The following DNAH6 variants were observed in gnomAD, a reference collection of about 807,000 sequenced individuals.
DNAH6 encodes the protein axonemal beta dynein heavy chain 6.
Under a neutral mutation model 491.4 loss-of-function variants are expected in DNAH6, and 340 were observed. The ratio of observed to expected loss-of-function variants is 0.69; its 90% CI spans 0.63 to 0.76. The LOEUF (loss-of-function observed/expected upper bound fraction) is 0.76. DNAH6 is among the 30% of genes least tolerant of loss of function. The probability of loss-of-function intolerance (pLI) is 0.00; values close to 1 mark genes in which losing one functional copy is unlikely to be tolerated. For synonymous variants in DNAH6, 1,603 were observed against 1,686.1 expected, an observed-to-expected ratio of 0.95 and a Z score of 1.21; for missense variants, 4,443 against 4,972.2, an observed-to-expected ratio of 0.89 and a Z score of 3.20.
At chr2:84,785,097 G>A (rs1677054572) in intron 66 of DNAH6, among the ~76,000 whole-genome samples, 1 of 152,180 alleles carries the variant, frequency 6.6e-6, no homozygotes, top group Non-Finnish European at 1.5e-5. Flanking sequence ...CTAGTGTTAA[G>A]GGAATGTTTC....
chr2:84,779,317 GT>G (rs1553496205), intron 64 of DNAH6, among the ~76,000 whole-genome samples: 1 of 152,112 alleles, frequency 6.6e-6, no homozygotes, highest in Non-Finnish European at 1.5e-5. Context: ...ATGAATCTGG[GT>G]ATTCCAATGT....
chr2:84,592,640 A>G (rs2104144819), intron 16 of DNAH6, among the ~76,000 whole-genome samples: 1 of 152,326 alleles, frequency 6.6e-6, no homozygotes, highest in Admixed American at 6.5e-5. Flanking sequence ...TCCCGTGTTC[A>G]TTGCAGCATT....
chr2:84,792,303 A>G (rs1231000079), intron 68 of DNAH6, among the ~76,000 whole-genome samples: 1 of 152,228 alleles, frequency 6.6e-6, no homozygotes, highest in Admixed American at 6.5e-5. Flanking sequence ...TCTGTTGTAC[A>G]ATATAGCACT....
At chr2:84,740,452 G>T (rs1672413183) in intron 62 of DNAH6, among the ~76,000 whole-genome samples, 1 of 152,176 alleles carries the variant, frequency 6.6e-6, no homozygotes, top group Admixed American at 6.5e-5. Context: ...CCATGACAGG[G>T]CACTGAGAAG....
intron 29 of DNAH6, 78 bp from the exon 30 acceptor site, chr2:84,634,426 A>G (rs1334480862): frequency 1.0e-5 from 14 of 1,334,688 alleles, no homozygotes; most frequent in Non-Finnish European, 1.2e-5. Context: ...TTTTTCTTTA[A>G]TATTTCAGCT....
intron 49 of DNAH6, 112 bp from the exon 50 acceptor site, chr2:84,703,282 GA>G: frequency 1.3e-6 from 1 of 769,724 alleles, no homozygotes. Flanking sequence ...ATTACAAACT[GA>G]TTTAACAATT....
intron 37 of DNAH6, among the ~76,000 whole-genome samples, chr2:84,659,975 G>C (rs939869031): frequency 3.9e-5 from 6 of 152,126 alleles, no homozygotes; most frequent in African/African-American, 1.4e-4. Flanking sequence ...GAGCAAGACT[G>C]TGTCTTTAAA....
intron 13 of DNAH6, among the ~76,000 whole-genome samples, chr2:84,577,939 A>G (rs1682631872): frequency 6.6e-6 from 1 of 152,216 alleles, no homozygotes; most frequent in Admixed American, 6.5e-5. Context: ...AGGAATTGGA[A>G]AACTATAGCC....
intron 10 of DNAH6, among the ~76,000 whole-genome samples, chr2:84,556,739 T>C (rs888747968): frequency 2.0e-5 from 3 of 152,230 alleles, no homozygotes; most frequent in South Asian, 2.1e-4. Flanking sequence ...TAACTTACCA[T>C]GAGGTTATGT....
At position 84,636,353 on chromosome 2, in the gene DNAH6, C is replaced by T. The variant is rs1688877677; in HGVS notation, c.4654-857C>T. Among the ~76,000 whole-genome samples the T allele has an allele frequency of 2.0e-5, 3 of 152,318 alleles. No homozygotes were observed. In the South Asian group the frequency reaches 6.2e-4, roughly 32 times the overall value. On this transcript the variant is annotated intron_variant, in intron 30 of 76. Transcript: ENST00000389394. ...TGGAATGGCTGCCCCTGTTCCTCCA[C>T]CTGAAACATCCTTCTTCCTTCTTCA...
At chr2:84,806,471 T>C (rs1352288948) in intron 71 of DNAH6, among the ~76,000 whole-genome samples, 2 of 151,930 alleles carry the variant, frequency 1.3e-5, no homozygotes, top group Non-Finnish European at 2.9e-5. Flanking sequence ...TACAAAAAAT[T>C]AGCCGGGCGT....
At chr2:84,698,589 G>A (rs1395352519) in intron 47 of DNAH6, among the ~76,000 whole-genome samples, 1 of 152,220 alleles carries the variant, frequency 6.6e-6, no homozygotes, top group African/African-American at 2.4e-5. Flanking sequence ...ACATCAGGAA[G>A]CAGCTGAAAT....
At chr2:84,493,488 C>G in the DNAH6 span, among the ~76,000 whole-genome samples, 1 of 152,124 alleles carries the variant, frequency 6.6e-6, no homozygotes, top group Middle Eastern at 3.4e-3. Flanking sequence ...ATCTTTGTGC[C>G]TCTGATCACA....
At chr2:84,472,794 T>A in the DNAH6 span, among the ~76,000 whole-genome samples, 1 of 152,242 alleles carries the variant, frequency 6.6e-6, no homozygotes, top group Non-Finnish European at 1.5e-5. Flanking sequence ...GTATGTGCTC[T>A]CATGTGAGTG....
chr2:84,587,933 T>C (rs147229576), intron 15 of DNAH6, among the ~76,000 whole-genome samples: 2 of 152,322 alleles, frequency 1.3e-5, no homozygotes, highest in African/African-American at 2.4e-5. Context: ...TTCCTGGTTC[T>C]TTAGGCACCA....
At chr2:84,772,220 G>C (rs1675693668) in intron 64 of DNAH6, among the ~76,000 whole-genome samples, 2 of 151,986 alleles carry the variant, frequency 1.3e-5, no homozygotes, top group African/African-American at 4.8e-5. Context: ...ATACAATATA[G>C]TAAAAGAAAT....
chr2:84,655,364 ATAC>A (rs1296654250), intron 35 of DNAH6, among the ~76,000 whole-genome samples: 2 of 152,122 alleles, frequency 1.3e-5, no homozygotes, highest in East Asian at 3.9e-4. Flanking sequence ...ACTCAGTTTC[ATAC>A]TACTTTCTGT....
the DNAH6 span, among the ~76,000 whole-genome samples, chr2:84,511,003 T>C: frequency 6.6e-6 from 1 of 152,162 alleles, no homozygotes; most frequent in South Asian, 2.1e-4. Context: ...TGCCTCCCAG[T>C]TGGGCTACTC....
chr2:84,634,768 C>A, intron 30 of DNAH6, 127 bp downstream of exon 30: 2 of 1,174,346 alleles, frequency 1.7e-6, no homozygotes, highest in East Asian at 3.0e-5. Context: ...CCCAAGGGGA[C>A]CTTGGCTCTC....
Sources: allele counts gnomAD v4.1 joint callset (sites outside exome capture counted in the v4.1 genomes callset), GRCh38; gene constraint gnomAD v4.1.1; transcripts MANE v1.5; gene names NCBI Gene and HGNC (gene_info 2026-07-23, HGNC 2026-07-21).